REDIC1: variants seen among roughly 807,000 people sequenced by gnomAD.
REDIC1 encodes the protein HEI10 Interacting Protein 1.
the REDIC1 span, among the ~76,000 whole-genome samples, chr12:39,693,375 A>T: frequency 1.3e-5 from 2 of 150,528 alleles, no homozygotes; most frequent in African/African-American, 4.9e-5. Context: ...TCTGGTTTCT[A>T]TCCTTATCCT....
the REDIC1 span, among the ~76,000 whole-genome samples, chr12:39,809,467 G>A: frequency 1.3e-5 from 2 of 152,088 alleles, no homozygotes; most frequent in Admixed American, 1.3e-4. Flanking sequence ...AATTACTTGA[G>A]TTGATCTAGA....
chr12:39,703,607 A>T, the REDIC1 span, among the ~76,000 whole-genome samples: 3 of 152,212 alleles, frequency 2.0e-5, no homozygotes, highest in African/African-American at 7.2e-5. Context: ...ACCAAAAAAG[A>T]TCCCTCATTG....
At chr12:39,767,248 A>G in the REDIC1 span, among the ~76,000 whole-genome samples, 1 of 151,852 alleles carries the variant, frequency 6.6e-6, no homozygotes, top group Non-Finnish European at 1.5e-5. Context: ...TCTCCATCAG[A>G]GCCCTTGAGT....
the REDIC1 span, among the ~76,000 whole-genome samples, chr12:39,697,188 A>G: frequency 4.7e-4 from 72 of 152,340 alleles, no homozygotes; most frequent in African/African-American, 1.5e-3. Flanking sequence ...TGGAAGCCTT[A>G]CAAGCCGAGA....
At chr12:39,679,492 A>G in the REDIC1 span, among the ~76,000 whole-genome samples, 1 of 152,228 alleles carries the variant, frequency 6.6e-6, no homozygotes, top group Non-Finnish European at 1.5e-5. Flanking sequence ...AAGAAATCAT[A>G]GATGACACAA....
the REDIC1 span, among the ~76,000 whole-genome samples, chr12:39,695,947 G>A: frequency 6.6e-6 from 1 of 152,172 alleles, no homozygotes; most frequent in African/African-American, 2.4e-5. Context: ...GCAGTGACAA[G>A]AGTCTCTGCT....
the REDIC1 span, among the ~76,000 whole-genome samples, chr12:39,896,508 A>G: frequency 2.1e-5 from 3 of 144,206 alleles, no homozygotes; most frequent in South Asian, 4.3e-4. Context: ...ATATGTATGT[A>G]CATGTGTGTA....
At chr12:39,699,114 G>A in the REDIC1 span, among the ~76,000 whole-genome samples, 7 of 152,200 alleles carry the variant, frequency 4.6e-5, no homozygotes, top group South Asian at 8.3e-4. Flanking sequence ...AAAAGAAGAT[G>A]TAAATAAATA....
At chr12:39,712,361 CA>C in the REDIC1 span, among the ~76,000 whole-genome samples, 2 of 128,924 alleles carry the variant, frequency 1.6e-5, no homozygotes, top group African/African-American at 3.1e-5. Context: ...TACATACATA[CA>C]TACATATGTA....
chr12:39,837,768 A>G, the REDIC1 span, among the ~76,000 whole-genome samples: 1 of 152,246 alleles, frequency 6.6e-6, no homozygotes, highest in Non-Finnish European at 1.5e-5. Context: ...CATCAGAGAA[A>G]TGCAAATCAA....
the REDIC1 span, among the ~76,000 whole-genome samples, chr12:39,703,472 GT>G: frequency 6.6e-6 from 1 of 150,566 alleles, no homozygotes; most frequent in Non-Finnish European, 1.5e-5. Flanking sequence ...ATGCTCATGG[GT>G]AGGAAGAATC....
the REDIC1 span, among the ~76,000 whole-genome samples, chr12:39,634,195 T>A: frequency 3.3e-5 from 5 of 152,202 alleles, no homozygotes; most frequent in Non-Finnish European, 1.5e-5. Context: ...TTTTAGTAAT[T>A]GTGAATGGGA....
the REDIC1 span, among the ~76,000 whole-genome samples, chr12:39,751,536 G>A: frequency 0.014 from 2,079 of 152,258 alleles, 35 homozygotes; most frequent in Middle Eastern, 0.034. Context: ...ATTTGACACA[G>A]CCATTCCATT....
At chr12:39,662,091 C>T in the REDIC1 span, among the ~76,000 whole-genome samples, 1 of 151,992 alleles carries the variant, frequency 6.6e-6, no homozygotes, top group Non-Finnish European at 1.5e-5. Context: ...ATGCCTCCAC[C>T]TTTGTTCTTT....
the REDIC1 span, among the ~76,000 whole-genome samples, chr12:39,769,681 T>A: frequency 6.6e-6 from 1 of 151,998 alleles, no homozygotes; most frequent in Non-Finnish European, 1.5e-5. Flanking sequence ...CTTCTTTTCC[T>A]GCCCTATTTA....
At chr12:39,750,887 C>T in the REDIC1 span, among the ~76,000 whole-genome samples, 1 of 152,180 alleles carries the variant, frequency 6.6e-6, no homozygotes, top group Non-Finnish European at 1.5e-5. Context: ...GGATCCCTTC[C>T]TTACACCTTA....
the REDIC1 span, among the ~76,000 whole-genome samples, chr12:39,669,724 T>G: frequency 6.6e-6 from 1 of 152,194 alleles, no homozygotes; most frequent in East Asian, 1.9e-4. Context: ...CCTGGCTGCT[T>G]TGTTTACCTA....
At chr12:39,667,625 A>G in the REDIC1 span, among the ~76,000 whole-genome samples, 1 of 152,040 alleles carries the variant, frequency 6.6e-6, no homozygotes, top group African/African-American at 2.4e-5. Flanking sequence ...ATATCTTGTT[A>G]ACTTTCTGTC....
At chr12:39,869,414 C>G in the REDIC1 span, among the ~76,000 whole-genome samples, 1 of 152,158 alleles carries the variant, frequency 6.6e-6, no homozygotes, top group Non-Finnish European at 1.5e-5. Flanking sequence ...TGACAAGAAA[C>G]CAGGACTTCC....
Sources: gnomAD v4.1 joint callset for allele counts (sites outside exome capture counted in the v4.1 genomes callset) on GRCh38, gnomAD v4.1.1 for gene constraint, MANE v1.5 for transcripts, NCBI Gene and HGNC (gene_info 2026-07-23, HGNC 2026-07-21) for gene names.